KHDRBS2: variants seen among roughly 807,000 people sequenced by gnomAD.
KHDRBS2 encodes KH domain-containing, RNA-binding, signal transduction-associated protein 2.
A neutral mutation model predicts 44.3 loss-of-function variants in KHDRBS2; 26 were observed. That is an observed-to-expected ratio of 0.59 (90% CI 0.43 to 0.81). The LOEUF is 0.81. KHDRBS2 is among the 40% of genes least tolerant of loss of function. KHDRBS2 has a pLI of 0.00. For synonymous variants in KHDRBS2, 194 were observed against 151.1 expected (o/e 1.28, Z -2.08); for missense variants, 476 against 433.1 (o/e 1.10, Z -0.88).
chr6:61,905,107 T>G (rs1262103866), intron 4 of KHDRBS2, among the ~76,000 whole-genome samples: 1 of 152,206 alleles, frequency 6.6e-6, no homozygotes, highest in East Asian at 1.9e-4. Context: ...TAGCAATGAG[T>G]ATTTTTAAGA....
intron 6 of KHDRBS2, among the ~76,000 whole-genome samples, chr6:61,774,180 G>T (rs1485712851): frequency 2.6e-5 from 4 of 152,132 alleles, no homozygotes; most frequent in South Asian, 2.1e-4. Flanking sequence ...ATTCTGTGAA[G>T]AAAGTCATTG....
intron 3 of KHDRBS2, among the ~76,000 whole-genome samples, chr6:62,007,685 CAACTA>C (rs1284333965): frequency 7.1e-6 from 1 of 140,104 alleles, no homozygotes; most frequent in Non-Finnish European, 1.6e-5. Flanking sequence ...TAGGGAATAT[CAACTA>C]AAATTCACAA....
At chr6:61,610,068 C>T in the KHDRBS2 span, among the ~76,000 whole-genome samples, 5 of 151,976 alleles carry the variant, frequency 3.3e-5, no homozygotes, top group Non-Finnish European at 7.4e-5. Flanking sequence ...CCCAGCTACT[C>T]GGGAGGCTGA....
At chr6:61,594,876 C>T in the KHDRBS2 span, among the ~76,000 whole-genome samples, 1 of 151,936 alleles carries the variant, frequency 6.6e-6, no homozygotes, top group African/African-American at 2.4e-5. Flanking sequence ...AAATACTTGA[C>T]CAAAATAGGA....
intron 2 of KHDRBS2, among the ~76,000 whole-genome samples, chr6:62,167,494 C>T (rs1470453087): frequency 6.6e-6 from 1 of 151,978 alleles, no homozygotes; most frequent in African/African-American, 2.4e-5. Context: ...TTCTAGAAAA[C>T]AGGATTATTT....
chr6:61,639,575 T>G, the KHDRBS2 span, among the ~76,000 whole-genome samples: 1 of 152,060 alleles, frequency 6.6e-6, no homozygotes, highest in Non-Finnish European at 1.5e-5. Context: ...ACTTCTGCTT[T>G]TGAAATGATA....
intron 6 of KHDRBS2, among the ~76,000 whole-genome samples, chr6:61,749,482 A>G (rs1215274251): frequency 6.6e-6 from 1 of 152,218 alleles, no homozygotes; most frequent in Non-Finnish European, 1.5e-5. Context: ...CAAAGCACTT[A>G]GATTTATAAA....
intron 1 of KHDRBS2, among the ~76,000 whole-genome samples, chr6:62,191,168 T>C (rs1824517061): frequency 6.6e-6 from 1 of 152,182 alleles, no homozygotes; most frequent in Non-Finnish European, 1.5e-5. Flanking sequence ...TGTACCTGCT[T>C]CTCACTGTTG....
At chr6:61,561,628 C>G in the KHDRBS2 span, among the ~76,000 whole-genome samples, 371 of 152,198 alleles carry the variant, frequency 2.4e-3, 2 homozygotes, top group African/African-American at 8.6e-3. Context: ...TGGTCACCCC[C>G]ACAACAGACA....
intron 2 of KHDRBS2, among the ~76,000 whole-genome samples, chr6:62,104,127 A>T (rs1011635433): frequency 2.4e-4 from 36 of 152,192 alleles, no homozygotes; most frequent in Non-Finnish European, 4.4e-4. Context: ...AAGCACTAAC[A>T]ATTTAGAATA....
At chr6:61,791,046 G>A (rs2127585393) in intron 6 of KHDRBS2, among the ~76,000 whole-genome samples, 1 of 151,286 alleles carries the variant, frequency 6.6e-6, no homozygotes, top group South Asian at 2.1e-4. Context: ...CATATTTATT[G>A]GAATGACGTT....
chr6:61,720,818 A>G (rs1421702985), intron 7 of KHDRBS2, among the ~76,000 whole-genome samples: 2 of 151,074 alleles, frequency 1.3e-5, no homozygotes, highest in Non-Finnish European at 3.0e-5. Flanking sequence ...TTTTGTTGCC[A>G]TTGCTTTTGG....
chr6:62,260,489 T>C (rs1838162085), intron 1 of KHDRBS2, among the ~76,000 whole-genome samples: 1 of 152,000 alleles, frequency 6.6e-6, no homozygotes, highest in African/African-American at 2.4e-5. Context: ...CCACACTATT[T>C]CCAAGTAGTT....
At chr6:62,223,742 C>A (rs1831287631) in intron 1 of KHDRBS2, among the ~76,000 whole-genome samples, 1 of 152,112 alleles carries the variant, frequency 6.6e-6, no homozygotes, top group South Asian at 2.1e-4. Context: ...ATCTCTAGGG[C>A]AAGGGGAAAA....
chr6:61,971,192 G>A (rs911421576), intron 4 of KHDRBS2, among the ~76,000 whole-genome samples: 6 of 152,008 alleles, frequency 3.9e-5, no homozygotes, highest in South Asian at 2.1e-4. Flanking sequence ...CATACACTAC[G>A]TAGAAAGACT....
chr6:61,917,565 A>G (rs1807250806), intron 4 of KHDRBS2, among the ~76,000 whole-genome samples: 1 of 151,970 alleles, frequency 6.6e-6, no homozygotes, highest in Non-Finnish European at 1.5e-5. Context: ...ATAATTGCAG[A>G]TAGATGTCAT....
chr6:62,049,429 C>T (rs1450357093), intron 2 of KHDRBS2, among the ~76,000 whole-genome samples: 1 of 151,004 alleles, frequency 6.6e-6, no homozygotes, highest in Non-Finnish European at 1.5e-5. Context: ...AAGAAGAAAG[C>T]ATTAGAAAAA....
At chr6:61,879,683 A>T (rs191764577) in intron 6 of KHDRBS2, among the ~76,000 whole-genome samples, 36 of 152,036 alleles carry the variant, frequency 2.4e-4, no homozygotes, top group Admixed American at 6.6e-4. Context: ...CCTTTAACAT[A>T]CTAACATCTT....
At chr6:61,852,211 A>C (rs1266633952) in intron 6 of KHDRBS2, among the ~76,000 whole-genome samples, 1 of 151,878 alleles carries the variant, frequency 6.6e-6, no homozygotes, top group Non-Finnish European at 1.5e-5. Context: ...AATGGAACAA[A>C]ACTCCGTCCA....
Sources: allele counts gnomAD v4.1 joint callset (sites outside exome capture counted in the v4.1 genomes callset), GRCh38; gene constraint gnomAD v4.1.1; transcripts MANE v1.5; gene names NCBI Gene and HGNC (gene_info 2026-07-23, HGNC 2026-07-21).